Variants in SEMA6D observed in about 807,000 individuals in gnomAD.
SEMA6D encodes semaphorin 6D.
A neutral mutation model predicts 106.6 loss-of-function variants in SEMA6D; 35 were observed. That is an observed-to-expected ratio of 0.33 (90% confidence interval 0.25 to 0.44). SEMA6D has a LOEUF of 0.44. SEMA6D is among the 20% of genes least tolerant of loss of function. SEMA6D has a pLI of 1.00. For synonymous variants in SEMA6D, 499 were observed against 487.7 expected, an observed-to-expected ratio of 1.02 and a Z score of -0.31; for missense variants, 1,185 against 1,345.9, an observed-to-expected ratio of 0.88 and a Z score of 1.87.
chr15:47,376,781 C>T (rs994894921), intron 1 of SEMA6D, among the ~76,000 whole-genome samples: 1 of 152,098 alleles, frequency 6.6e-6, no homozygotes, highest in African/African-American at 2.4e-5. Context: ...TGTTAAGTAC[C>T]CCCAATCTCC....
At chr15:47,360,467 C>T (rs1567025276) in intron 1 of SEMA6D, among the ~76,000 whole-genome samples, 1 of 152,178 alleles carries the variant, frequency 6.6e-6, no homozygotes, top group Non-Finnish European at 1.5e-5. Context: ...TCACACTGGC[C>T]ACATTTCAAA....
chr15:47,464,913 A>T (rs763172521), intron 2 of SEMA6D, among the ~76,000 whole-genome samples: 1 of 152,130 alleles, frequency 6.6e-6, no homozygotes, highest in Non-Finnish European at 1.5e-5. Context: ...CTCTATTAAG[A>T]GACTCTTAAG....
At chr15:47,700,066 A>G (rs937847294) in intron 4 of SEMA6D, among the ~76,000 whole-genome samples, 6 of 152,240 alleles carry the variant, frequency 3.9e-5, no homozygotes, top group African/African-American at 1.2e-4. Context: ...AGATATAAAT[A>G]TGTACAACAT....
intron 4 of SEMA6D, among the ~76,000 whole-genome samples, chr15:47,624,686 A>G (rs1394988161): frequency 6.6e-6 from 1 of 152,204 alleles, no homozygotes; most frequent in Non-Finnish European, 1.5e-5. Flanking sequence ...ATAACTAACC[A>G]TGAGATAAAT....
At chr15:47,367,680 G>A (rs368158525) in intron 1 of SEMA6D, among the ~76,000 whole-genome samples, 2,100 of 38,934 alleles carry the variant, frequency 0.054, 30 homozygotes, top group Non-Finnish European at 0.087. Context: ...ACGCTCACAC[G>A]CGCGCGCGCG....
chr15:47,266,654 C>T (rs1419095660), intron 1 of SEMA6D, among the ~76,000 whole-genome samples: 1 of 152,006 alleles, frequency 6.6e-6, no homozygotes, highest in Non-Finnish European at 1.5e-5. Context: ...TCCACATTTG[C>T]CCAGGGCTTA....
rs77612215 is a variant in SEMA6D, at chr15:47,565,085, G to A, written c.-86-35780G>A. Among the ~76,000 whole-genome samples, 134 of 152,232 alleles carry A rather than the reference G, an allele frequency of 8.8e-4. 1 individual carries two copies. Among genetic ancestry groups the A allele is most frequent in the African/African-American group, 2.0e-3 (83 of 41,534 alleles). On this transcript the variant is annotated intron_variant, in intron 3 of 19. Coordinates refer to the SEMA6D transcript ENST00000558014. ...TGTGACCTCATTTTTCCTGGATGCCGGACAAAAGTTTAGGATCAAGTACAG... is the reference window on the plus strand; with the variant it reads ...TGTGACCTCATTTTTCCTGGATGCCAGACAAAAGTTTAGGATCAAGTACAG...
At chr15:47,469,915 G>A (rs2042780673) in intron 2 of SEMA6D, among the ~76,000 whole-genome samples, 1 of 152,006 alleles carries the variant, frequency 6.6e-6, no homozygotes, top group Non-Finnish European at 1.5e-5. Context: ...AGAAAAGTGT[G>A]CACATGATTA....
At chr15:47,569,799 A>G (rs1329522947) in intron 3 of SEMA6D, among the ~76,000 whole-genome samples, 1 of 152,148 alleles carries the variant, frequency 6.6e-6, no homozygotes, top group African/African-American at 2.4e-5. Context: ...AGTGGCTTAC[A>G]CCTGTAATCC....
At chr15:47,733,517 T>G (rs900619074) in intron 1 of SEMA6D, among the ~76,000 whole-genome samples, 2 of 152,234 alleles carry the variant, frequency 1.3e-5, no homozygotes, top group Admixed American at 1.3e-4. Flanking sequence ...ATACGAGTCT[T>G]GTTCCTTAAG....
chr15:47,430,989 T>C (rs532127863), intron 2 of SEMA6D, among the ~76,000 whole-genome samples: 1 of 152,286 alleles, frequency 6.6e-6, no homozygotes, highest in East Asian at 1.9e-4. Context: ...CCCTGGATCA[T>C]AGATGGTGGC....
At chr15:47,387,234 C>T (rs1595883413) in intron 1 of SEMA6D, among the ~76,000 whole-genome samples, 1 of 152,350 alleles carries the variant, frequency 6.6e-6, no homozygotes, top group East Asian at 1.9e-4. Flanking sequence ...TCATCTCTAG[C>T]ACTCAGTCAA....
intron 2 of SEMA6D, among the ~76,000 whole-genome samples, chr15:47,467,043 T>C (rs2042685298): frequency 6.6e-6 from 1 of 152,078 alleles, no homozygotes; most frequent in African/African-American, 2.4e-5. Context: ...TTTAGTTTTT[T>C]TGAGGTACCT....
Position 47,384,814 on chromosome 15 carries a change from G to GTTTTTTTGTTTT in SEMA6D, c.-238-27572_-238-27571insGTTTTTTTTTTT, listed in dbSNP as rs1567042573. Among the ~76,000 whole-genome samples the GTTTTTTTGTTTT allele has an allele frequency of 6.1e-5, 4 of 65,696 alleles. 1 individual carries two copies. In the East Asian group the frequency reaches 2.1e-3, roughly 34 times the overall value. 43.1% of individuals were successfully genotyped at this position (65,696 alleles called of 152,430 possible). A position where few individuals can be genotyped will look rare whatever the true frequency, so the allele number is the denominator to read the frequency against. On this transcript the variant is annotated intron_variant, in intron 1 of 19. Coordinates refer to the SEMA6D transcript ENST00000558014. ...TCAGAATTAACATTTGATTACTAAAGTTTTTTTTTTTTTTTTTTTTTTTTT... is the reference window on the plus strand; with the variant it reads ...TCAGAATTAACATTTGATTACTAAAGTTTTTTTGTTTTTTTTTTTTTTTTTTTTTTTTTTTTT...
chr15:47,745,589 T>C (rs1484911327), intron 1 of SEMA6D, among the ~76,000 whole-genome samples: 1 of 152,240 alleles, frequency 6.6e-6, no homozygotes, highest in Non-Finnish European at 1.5e-5. Context: ...TGGATTGACC[T>C]AAACTCCCAT....
At chr15:47,768,097 G>A (rs1321375027) in intron 17 of SEMA6D, among the ~76,000 whole-genome samples, 2 of 152,120 alleles carry the variant, frequency 1.3e-5, no homozygotes, top group African/African-American at 4.8e-5. Context: ...GAGCTGGTTT[G>A]TCACGTCCAA....
rs117639304 is a variant in SEMA6D at position 47,576,981 on chromosome 15, G to C, written c.-86-23884G>C. On this transcript the variant is annotated intron_variant, in intron 3 of 19. Transcript: ENST00000558014. The stretch of plus-strand genomic sequence containing the variant: ...GTACTTATGCACACATGGAATGCTT[G>C]CTATTACCTACAGAAGAAACCTGCT... Among the ~76,000 whole-genome samples, 89 of 152,306 alleles carry C rather than the reference G, an allele frequency of 5.8e-4. 3 individuals are homozygous for C. The East Asian group carries it at 0.011, about 19-fold the overall frequency.
At chr15:47,495,255 T>A (rs2043614113) in intron 3 of SEMA6D, among the ~76,000 whole-genome samples, 1 of 151,798 alleles carries the variant, frequency 6.6e-6, no homozygotes, top group South Asian at 2.1e-4. Flanking sequence ...TCCTTTGCTA[T>A]ATTTTTTTTT....
intron 1 of SEMA6D, among the ~76,000 whole-genome samples, chr15:47,356,899 T>G (rs960530890): frequency 6.6e-6 from 1 of 152,174 alleles, no homozygotes; most frequent in Non-Finnish European, 1.5e-5. Flanking sequence ...TTAATTTTAT[T>G]TTATGCATAA....
Sources: allele counts gnomAD v4.1 joint callset (sites outside exome capture counted in the v4.1 genomes callset), GRCh38; gene constraint gnomAD v4.1.1; transcripts MANE v1.5; gene names NCBI Gene and HGNC (gene_info 2026-07-23, HGNC 2026-07-21).